The following PON3 variants were observed in gnomAD, a reference collection of about 807,000 sequenced individuals.
The protein encoded by PON3 is paraoxonase 3.
Under a neutral mutation model 36.3 loss-of-function variants are expected in PON3, and 37 were observed. That is an observed-to-expected ratio of 1.02 (90% CI 0.78 to 1.34). The LOEUF (loss-of-function observed/expected upper bound fraction) is 1.34. PON3 is among the 40% of genes most tolerant of loss of function. PON3 has a pLI of 0.00. For missense variants in PON3, 415 were observed against 426.5 expected (o/e 0.97, Z 0.24); for synonymous variants, 155 against 154.8 (o/e 1.00, Z -0.01).
At chr7:95,389,840 G>C (rs1428794234) in intron 3 of PON3, among the ~76,000 whole-genome samples, 1 of 152,198 alleles carries the variant, frequency 6.6e-6, no homozygotes, top group Non-Finnish European at 1.5e-5. Context: ...GGGCAATGAT[G>C]AGAATGGATA....
intron 4 of PON3, 93 bp from the exon 5 acceptor site, chr7:95,367,581 T>C: frequency 7.4e-7 from 1 of 1,354,098 alleles, no homozygotes; most frequent in Non-Finnish European, 1.0e-6. Context: ...CCAAAAGTTT[T>C]CTTCTTACAT....
intron 3 of PON3, among the ~76,000 whole-genome samples, chr7:95,381,205 C>T (rs1214545065): frequency 6.6e-6 from 1 of 152,092 alleles, no homozygotes; most frequent in Non-Finnish European, 1.5e-5. Flanking sequence ...GAAGGAAGCA[C>T]TAAACATGGA....
At chr7:95,382,572 C>T (rs1809085360) in intron 3 of PON3, among the ~76,000 whole-genome samples, 1 of 152,208 alleles carries the variant, frequency 6.6e-6, no homozygotes, top group Non-Finnish European at 1.5e-5. Context: ...ATACTATAAA[C>T]ACATCTATGC....
At chr7:95,371,210 TTTG>T (rs1269790431) in intron 4 of PON3, among the ~76,000 whole-genome samples, 11 of 152,090 alleles carry the variant, frequency 7.2e-5, no homozygotes, top group Non-Finnish European at 1.3e-4. Flanking sequence ...TTGATAGACA[TTTG>T]GGTTATTTCC....
intron 3 of PON3, among the ~76,000 whole-genome samples, chr7:95,380,014 G>A (rs1250355866): frequency 1.3e-5 from 2 of 152,194 alleles, no homozygotes; most frequent in African/African-American, 4.8e-5. Context: ...ACCTCCAGAG[G>A]AACAATCAAA....
In PON3 at chr7:95,362,806, A is replaced by G. The variant is rs765690158; in HGVS notation, c.731T>C (p.Ile244Thr). 55 of 1,612,036 alleles carry G rather than the reference A, an allele frequency of 3.4e-5. No individual in the cohort carries two copies. The highest frequency in any genetic ancestry group is 4.6e-5 in the Non-Finnish European group (54 of 1,178,402). The change falls in exon 7 of 9, where the codon ATT (isoleucine) becomes ACT (threonine). Residue 244 changes from isoleucine (I) to threonine (T), a missense_variant. Coordinates refer to ENST00000265627, the MANE Select transcript of PON3 (RefSeq NM_000940.3). ...VYVADVAAKNIHIMEKHDNWD... is the reference protein window; with the variant it reads ...VYVADVAAKNTHIMEKHDNWD... ...GTTATCATGTTTTTCCATTATGTGAATGTTCTTAGCTGCTACATCAGCTAC... is the reference window on the plus strand; with the variant it reads ...GTTATCATGTTTTTCCATTATGTGAGTGTTCTTAGCTGCTACATCAGCTAC...
chr7:95,378,091 A>T (rs1808961177), intron 3 of PON3, among the ~76,000 whole-genome samples: 1 of 152,200 alleles, frequency 6.6e-6, no homozygotes, highest in South Asian at 2.1e-4. Flanking sequence ...AAACCAAGGC[A>T]TGAGAACTTC....
intron 2 of PON3, among the ~76,000 whole-genome samples, chr7:95,393,607 A>G (rs984229397): frequency 6.6e-6 from 1 of 152,216 alleles, no homozygotes; most frequent in African/African-American, 2.4e-5. Flanking sequence ...TCTCACGTAG[A>G]AGCATGAGGG....
chr7:95,367,361 C>T lies in PON3; in HGVS notation c.494+1G>A. 1 of 1,611,792 alleles carries T rather than the reference C, an allele frequency of 6.2e-7. No individual in the cohort carries two copies. The highest frequency in any genetic ancestry group is 8.5e-7 in the Non-Finnish European group (1 of 1,179,586). On this transcript the variant is annotated splice_donor_variant, in intron 5 of 8. Coordinates refer to ENST00000265627, the MANE Select transcript of PON3 (RefSeq NM_000940.3). LOFTEE classifies it high-confidence loss of function. ...AACCGCACAATACTTTCATTCCATA[C>T]CTTTTGAGAAGTTCATGTTTTATAG...
Position 95,384,875 on chromosome 7 carries a change from A to G in PON3, c.201+5279T>C, listed in dbSNP as rs181242871. ...TGGGTATATACCCAAAGGAATATAAATCCTGCTGCTATAAAGACACATGCA... is the reference window on the plus strand; with the variant it reads ...TGGGTATATACCCAAAGGAATATAAGTCCTGCTGCTATAAAGACACATGCA... On this transcript the variant is annotated intron_variant, in intron 3 of 8. Transcript: ENST00000265627. 1.7e-4 allele frequency among the ~76,000 whole-genome samples: 26 copies of G among 152,316 alleles called. No homozygotes were observed. In the East Asian group the frequency reaches 4.8e-3, roughly 28 times the overall value.
intron 3 of PON3, among the ~76,000 whole-genome samples, chr7:95,380,379 A>C (rs1457859118): frequency 1.3e-5 from 2 of 152,238 alleles, no homozygotes; most frequent in Non-Finnish European, 2.9e-5. Context: ...TGAGAGAAGA[A>C]GGTTTCAGAC....
Position 95,384,734 on chromosome 7 carries a change from T to A in PON3, c.201+5420A>T, listed in dbSNP as rs1809147973. ...AGAGGATATGGAGAAATAGGAACAC[T>A]TTTACACTGCTGGTGGGACTGTAAA... On this transcript the variant is annotated intron_variant, in intron 3 of 8. Coordinates refer to ENST00000265627, the MANE Select transcript of PON3 (RefSeq NM_000940.3). 3.9e-5 allele frequency among the ~76,000 whole-genome samples: 6 copies of A among 152,152 alleles called. No individual in the cohort carries two copies. The South Asian group carries it at 1.2e-3, about 31-fold the overall frequency.
rs531392187 is a variant in PON3 at position 95,373,950 on chromosome 7, A to G, written c.202-1612T>C. On this transcript the variant is annotated intron_variant, in intron 3 of 8. Transcript: ENST00000265627. ...TACCGCCTGAGCTCCACCTTCTGTAAGATCAGCAGTGGCATTAAATTCTCA... is the reference window on the plus strand; with the variant it reads ...TACCGCCTGAGCTCCACCTTCTGTAGGATCAGCAGTGGCATTAAATTCTCA... Among the ~76,000 whole-genome samples, 19 of 152,284 alleles carry G rather than the reference A, an allele frequency of 1.2e-4. No individual in the cohort carries two copies. The South Asian group carries it at 3.9e-3, about 32-fold the overall frequency.
chr7:95,384,392 G>T (rs1037773808), intron 3 of PON3, among the ~76,000 whole-genome samples: 16 of 152,202 alleles, frequency 1.1e-4, no homozygotes, highest in Non-Finnish European at 1.5e-4. Flanking sequence ...CATAGCAAAA[G>T]AAACTACCAT....
At chr7:95,394,490 C>A (rs953719292) in intron 2 of PON3, among the ~76,000 whole-genome samples, 154 bp downstream of exon 2, 12 of 152,168 alleles carry the variant, frequency 7.9e-5, no homozygotes, top group Non-Finnish European at 1.3e-4. Flanking sequence ...TAGTACACCC[C>A]TGAAGACCTT....
At chr7:95,370,535 C>G (rs1808788563) in intron 4 of PON3, among the ~76,000 whole-genome samples, 1 of 152,118 alleles carries the variant, frequency 6.6e-6, no homozygotes, top group Admixed American at 6.5e-5. Context: ...ATTCAATTAT[C>G]TTTTAAAGCA....
At chr7:95,361,423 A>C (rs1259426712) in intron 8 of PON3, among the ~76,000 whole-genome samples, 2 of 152,064 alleles carry the variant, frequency 1.3e-5, no homozygotes, top group Admixed American at 1.3e-4. Flanking sequence ...ATTTTTTTCA[A>C]ATTGTACTTT....
At chr7:95,362,556 C>T (rs985310716) in intron 7 of PON3, 66 bp from the exon 8 acceptor site, 15 of 1,605,344 alleles carry the variant, frequency 9.3e-6, no homozygotes, top group Non-Finnish European at 1.3e-5. Context: ...CCCTATTCAT[C>T]CCCACAACCC....
chr7:95,378,944 A>G (rs1340671594), intron 3 of PON3, among the ~76,000 whole-genome samples: 1 of 152,230 alleles, frequency 6.6e-6, no homozygotes, highest in African/African-American at 2.4e-5. Context: ...CCCCGATTAA[A>G]AGACACAGAC....
Sources: allele counts gnomAD v4.1 joint callset (sites outside exome capture counted in the v4.1 genomes callset), GRCh38; gene constraint gnomAD v4.1.1; transcripts MANE v1.5; gene names NCBI Gene and HGNC (gene_info 2026-07-23, HGNC 2026-07-21).